Variants in PIK3R3 observed in about 807,000 individuals in gnomAD.
PIK3R3 encodes phosphatidylinositol 3-kinase regulatory subunit gamma.
Under a neutral mutation model 62.9 loss-of-function variants are expected in PIK3R3, and 64 were observed. The observed-to-expected ratio is 1.02, with a 90% confidence interval of 0.83 to 1.25. The LOEUF (loss-of-function observed/expected upper bound fraction) is 1.25, where lower values mean the gene tolerates loss of function less well. Ranked by LOEUF, PIK3R3 falls within the 50% of genes most tolerant of loss-of-function variation. The probability of loss-of-function intolerance (pLI) is 0.00; values close to 1 mark genes in which losing one functional copy is unlikely to be tolerated. For synonymous variants in PIK3R3, 165 were observed against 189.0 expected, an observed-to-expected ratio of 0.87 and a Z score of 1.04; for missense variants, 614 against 561.6, an observed-to-expected ratio of 1.09 and a Z score of -0.94.
At chr1:46,140,347 AT>A in the PIK3R3 span, among the ~76,000 whole-genome samples, 11 of 146,518 alleles carry the variant, frequency 7.5e-5, no homozygotes, top group Middle Eastern at 3.5e-3. Flanking sequence ...AACCCCCACC[AT>A]TTTTTTTTTC....
At chr1:46,122,266 TACAC>T (rs1433260987) in intron 1 of PIK3R3, among the ~76,000 whole-genome samples, 1 of 152,306 alleles carries the variant, frequency 6.6e-6, no homozygotes, top group South Asian at 2.1e-4. Context: ...AGTCAAGTCT[TACAC>T]ACAGTAAAAT....
the PIK3R3 span, among the ~76,000 whole-genome samples, chr1:46,138,187 C>T: frequency 1.5e-3 from 224 of 152,326 alleles, 5 homozygotes; most frequent in African/African-American, 5.3e-3. Flanking sequence ...TTAAAGCATG[C>T]TCACTTCCTG....
chr1:46,112,123 C>T (rs1240803414), intron 1 of PIK3R3, among the ~76,000 whole-genome samples: 2 of 152,124 alleles, frequency 1.3e-5, no homozygotes, highest in Admixed American at 6.5e-5. Flanking sequence ...ATAAAATACA[C>T]CTTTACACCT....
At chr1:46,107,830 CTTT>C (rs1000422662) in intron 1 of PIK3R3, among the ~76,000 whole-genome samples, 2 of 152,104 alleles carry the variant, frequency 1.3e-5, no homozygotes, top group African/African-American at 2.4e-5. Context: ...TTTGAGTGTG[CTTT>C]TTTAACTAAA....
chr1:46,105,182 C>A, intron 1 of PIK3R3: 1 of 599,502 alleles, frequency 1.7e-6, no homozygotes, highest in Non-Finnish European at 3.0e-6. Flanking sequence ...GTAATCATCC[C>A]AGCTGGTGTA....
chr1:46,097,420 TA>T (rs1053897765), intron 1 of PIK3R3, among the ~76,000 whole-genome samples: 1 of 151,768 alleles, frequency 6.6e-6, no homozygotes, highest in African/African-American at 2.4e-5. Context: ...CTACTCATGA[TA>T]AAAATACTCA....
At chr1:46,095,061 C>T (rs1288174177) in intron 1 of PIK3R3, among the ~76,000 whole-genome samples, 1 of 152,112 alleles carries the variant, frequency 6.6e-6, no homozygotes, top group Non-Finnish European at 1.5e-5. Flanking sequence ...ACTTCAACAA[C>T]TAGAGTGTGG....
chr1:46,095,278 C>T (rs1004951195), intron 1 of PIK3R3, among the ~76,000 whole-genome samples: 2 of 152,152 alleles, frequency 1.3e-5, no homozygotes, highest in Non-Finnish European at 2.9e-5. Context: ...GGTATATATA[C>T]AGCATGGAAT....
At chr1:46,145,610 A>G in the PIK3R3 span, among the ~76,000 whole-genome samples, 12 of 152,294 alleles carry the variant, frequency 7.9e-5, no homozygotes, top group African/African-American at 2.9e-4. Flanking sequence ...TCACCCCTAT[A>G]GGAAGGCATT....
At chr1:46,132,701 G>T, upstream of PIK3R3, 1 of 1,289,414 alleles carries the variant, frequency 7.8e-7, no homozygotes, top group South Asian at 1.2e-5. Flanking sequence ...CTGCCCACCC[G>T]CTGAGGCGCC....
chr1:46,067,821 CA>C (rs1370818250), intron 3 of PIK3R3, among the ~76,000 whole-genome samples: 1 of 152,182 alleles, frequency 6.6e-6, no homozygotes, highest in Non-Finnish European at 1.5e-5. Flanking sequence ...CATGCTTGGA[CA>C]GTTCAGGCCA....
the PIK3R3 span, among the ~76,000 whole-genome samples, chr1:46,151,746 A>G: frequency 2.0e-5 from 3 of 152,270 alleles, no homozygotes; most frequent in South Asian, 6.2e-4. Context: ...AGAGGTGTCC[A>G]TGGTTATATC....
At chr1:46,159,713 T>C in the PIK3R3 span, among the ~76,000 whole-genome samples, 2 of 150,180 alleles carry the variant, frequency 1.3e-5, no homozygotes, top group African/African-American at 2.5e-5. Flanking sequence ...CTGCACCTGG[T>C]TCTCAACCCT....
the PIK3R3 span, among the ~76,000 whole-genome samples, chr1:46,166,255 G>A: frequency 2.6e-4 from 38 of 148,388 alleles, 1 homozygote; most frequent in African/African-American, 8.7e-4. Context: ...ACAGAGTCTC[G>A]CTCTGTCGCC....
the PIK3R3 span, among the ~76,000 whole-genome samples, chr1:46,149,516 G>A: frequency 5.3e-5 from 8 of 150,028 alleles, no homozygotes; most frequent in Non-Finnish European, 1.0e-4. Context: ...TATGTTCTTT[G>A]TGTGTGTGTG....
intron 1 of PIK3R3, among the ~76,000 whole-genome samples, chr1:46,125,588 A>C (rs1387898457): frequency 6.6e-6 from 1 of 152,160 alleles, no homozygotes; most frequent in Non-Finnish European, 1.5e-5. Flanking sequence ...AATGTTACTT[A>C]ATCTAAATTG....
chr1:46,123,276 C>T (rs931036429), intron 1 of PIK3R3, among the ~76,000 whole-genome samples: 10 of 152,058 alleles, frequency 6.6e-5, no homozygotes, highest in Admixed American at 2.0e-4. Context: ...GGAAAGGGGA[C>T]GCAGACAGGC....
chr1:46,047,166 G>C (rs555034466), intron 7 of PIK3R3: 1 of 152,670 alleles, frequency 6.6e-6, no homozygotes, highest in Non-Finnish European at 1.5e-5. Flanking sequence ...AGCCGGGCGC[G>C]GTGGCTCATG....
At chr1:46,118,989 C>T (rs1189224649) in intron 1 of PIK3R3, among the ~76,000 whole-genome samples, 1 of 152,108 alleles carries the variant, frequency 6.6e-6, no homozygotes, top group East Asian at 1.9e-4. Context: ...GAACCCCCAT[C>T]CTCACACCTG....
Sources: allele counts gnomAD v4.1 joint callset (sites outside exome capture counted in the v4.1 genomes callset), GRCh38; gene constraint gnomAD v4.1.1; transcripts MANE v1.5; gene names NCBI Gene and HGNC (gene_info 2026-07-23, HGNC 2026-07-21).